RAPGEF6: variants seen among roughly 807,000 people sequenced by gnomAD.
The protein encoded by RAPGEF6 is PDZ domain containing guanine nucleotide exchange factor (GEF) 2.
RAPGEF6 carries 56 observed loss-of-function variants against 171.4 expected under a neutral mutation model. The ratio of observed to expected loss-of-function variants is 0.33; its 90% CI spans 0.26 to 0.41. The LOEUF (loss-of-function observed/expected upper bound fraction) is 0.41. RAPGEF6 is among the 10% of genes least tolerant of loss of function. The probability of loss-of-function intolerance (pLI) is 1.00; values close to 1 mark genes in which losing one functional copy is unlikely to be tolerated. For missense variants in RAPGEF6, 1,674 were observed against 1,921.4 expected (o/e 0.87, Z 2.41); for synonymous variants, 692 against 650.1 (o/e 1.06, Z -0.98).
At chr5:131,625,051 C>G (rs948982588) in intron 1 of RAPGEF6, among the ~76,000 whole-genome samples, 1 of 152,086 alleles carries the variant, frequency 6.6e-6, no homozygotes, top group Non-Finnish European at 1.5e-5. Flanking sequence ...ATCATGAGGT[C>G]AGCAGTTCGA....
intron 7 of RAPGEF6, among the ~76,000 whole-genome samples, chr5:131,511,481 C>CTTTTTTTTTTTTTTTTTTTTTTTTTTTTT (rs55782171): frequency 7.3e-6 from 1 of 137,328 alleles, no homozygotes; most frequent in Non-Finnish European, 1.5e-5. Flanking sequence ...AAAAGATCAT[C>CTTTTTTTTTTTTTTTTTTTTTTTTTTTTT]TTTTTTTTTT....
Position 131,510,496 on chromosome 5 carries a change from G to T in RAPGEF6, c.628-5C>A. ...TCCTACCTCACTCTCCGTAGCCTAT[G>T]AAAAGAAATCTTGATCACTTACCAT... On this transcript the variant is annotated splice_region_variant and splice_polypyrimidine_tract_variant and intron_variant, in intron 7 of 27. Coordinates refer to ENST00000509018, the MANE Select transcript of RAPGEF6 (RefSeq NM_016340.6). 2 of 1,607,734 alleles carry T rather than the reference G, an allele frequency of 1.2e-6. No homozygotes were observed. The highest frequency in any genetic ancestry group is 8.5e-7 in the Non-Finnish European group (1 of 1,177,880).
At chr5:131,522,508 C>T (rs1328609226) in intron 6 of RAPGEF6, among the ~76,000 whole-genome samples, 1 of 152,138 alleles carries the variant, frequency 6.6e-6, no homozygotes, top group African/African-American at 2.4e-5. Flanking sequence ...GAGGGAATGA[C>T]TGAGTCTGAA....
chr5:131,560,814 G>T (rs1304478552), intron 5 of RAPGEF6, among the ~76,000 whole-genome samples: 2 of 152,206 alleles, frequency 1.3e-5, no homozygotes, highest in African/African-American at 4.8e-5. Flanking sequence ...TAAAATTAGG[G>T]ATAGTGAGTT....
chr5:131,498,327 T>A (rs1248148304), intron 12 of RAPGEF6, 116 bp downstream of exon 12: 1 of 938,338 alleles, frequency 1.1e-6, no homozygotes, highest in Non-Finnish European at 1.6e-6. Flanking sequence ...GGTTCATTAA[T>A]TTTTTTAGGT....
intron 6 of RAPGEF6, among the ~76,000 whole-genome samples, chr5:131,534,027 A>T (rs888298625): frequency 1.3e-5 from 2 of 152,138 alleles, no homozygotes; most frequent in Non-Finnish European, 1.5e-5. Flanking sequence ...GTGGCCAAAG[A>T]AAGACAGTTC....
intron 24 of RAPGEF6, 119 bp downstream of exon 24, chr5:131,439,462 C>CCTA: frequency 7.0e-7 from 1 of 1,427,316 alleles, no homozygotes. Flanking sequence ...GTTCAAAAAG[C>CCTA]ATTAGGAGTT....
At chr5:131,438,857 A>G (rs1752197542) in intron 24 of RAPGEF6, among the ~76,000 whole-genome samples, 1 of 152,228 alleles carries the variant, frequency 6.6e-6, no homozygotes, top group Non-Finnish European at 1.5e-5. Context: ...CTCTGTTACT[A>G]AAAAAGGAAA....
At chr5:131,428,769 A>G in intron 27 of RAPGEF6, 133 bp downstream of exon 27, 1 of 1,023,578 alleles carries the variant, frequency 9.8e-7, no homozygotes, top group African/African-American at 1.6e-5. Flanking sequence ...GCCGGCAGGA[A>G]CTTCTTACTT....
intron 23 of RAPGEF6, among the ~76,000 whole-genome samples, chr5:131,440,737 C>CAAAAAAAAAA (rs1168441695): frequency 3.3e-4 from 22 of 66,828 alleles, no homozygotes; most frequent in Non-Finnish European, 5.0e-4. Flanking sequence ...GACTCTGTCT[C>CAAAAAAAAAA]AAAAAAAAAA....
At position 131,429,650 on chromosome 5, in the gene RAPGEF6, T is replaced by C. The variant is rs117174372; in HGVS notation, c.4466-434A>G. On this transcript the variant is annotated intron_variant, in intron 26 of 27. Coordinates refer to ENST00000509018, the MANE Select transcript of RAPGEF6 (RefSeq NM_016340.6). ...CCATCTGTTTAAGGGCTGTTTCACC[T>C]TCTCTCTGAGACATGAACCAATGTT... Among the ~76,000 whole-genome samples, 93 of 152,328 alleles carry C rather than the reference T, an allele frequency of 6.1e-4. No homozygotes were observed. The East Asian group carries it at 0.013, about 21-fold the overall frequency.
rs755681015 is a variant in RAPGEF6 at position 131,548,105 on chromosome 5, T to C, written c.437A>G (p.Asn146Ser). ...AATGGTTTGGCGCTCTCCTTTATAG[T>C]TAATTTTCCGAAATCTTCTTCGGGA... Reference protein sequence around the residue: ...RQSRRRFRKINYKGERQTITD... With the variant: ...RQSRRRFRKISYKGERQTITD... The change falls in exon 6 of 28, where the codon AAC (asparagine) becomes AGC (serine). Residue 146 changes from asparagine (N) to serine (S), a missense_variant. By Grantham distance (46) the Asn-to-Ser change is conservative. Around this residue, in one of 3 missense-constraint regions of RAPGEF6, gnomAD observed 1,116 missense variants for 1,321.5 expected, o/e 0.84. Transcript: ENST00000509018. 13 of 1,613,976 alleles carry C rather than the reference T, an allele frequency of 8.1e-6. No individual in the cohort carries two copies. In the South Asian group the frequency reaches 1.2e-4, roughly 15 times the overall value.
At chr5:131,579,741 C>T (rs1392428470) in intron 4 of RAPGEF6, among the ~76,000 whole-genome samples, 1 of 152,168 alleles carries the variant, frequency 6.6e-6, no homozygotes, top group Non-Finnish European at 1.5e-5. Context: ...CTGACTGGTG[C>T]ATTTACAAAC....
intron 6 of RAPGEF6, among the ~76,000 whole-genome samples, chr5:131,546,573 C>T (rs1212348762): frequency 6.6e-6 from 1 of 150,662 alleles, no homozygotes; most frequent in African/African-American, 2.4e-5. Context: ...CACTGCACTC[C>T]AGCCTGGGCA....
chr5:131,473,798 AG>A (rs1454415784), intron 16 of RAPGEF6, among the ~76,000 whole-genome samples: 4 of 152,242 alleles, frequency 2.6e-5, no homozygotes, highest in Admixed American at 2.0e-4. Flanking sequence ...GATTTTACGT[AG>A]ATTAGAAAAC....
At chr5:131,536,698 C>A (rs556739514) in intron 6 of RAPGEF6, among the ~76,000 whole-genome samples, 9 of 152,198 alleles carry the variant, frequency 5.9e-5, no homozygotes, top group African/African-American at 1.9e-4. Context: ...ATTGAAAGAA[C>A]AATAAAAGGC....
intron 1 of RAPGEF6, among the ~76,000 whole-genome samples, chr5:131,609,875 C>T (rs143120604): frequency 1.2e-4 from 18 of 152,266 alleles, no homozygotes; most frequent in Non-Finnish European, 2.2e-4. Context: ...AATGCCTGAA[C>T]CACAGGACTA....
At chr5:131,448,810 G>A (rs2149819002) in intron 21 of RAPGEF6, among the ~76,000 whole-genome samples, 2 of 152,214 alleles carry the variant, frequency 1.3e-5, no homozygotes, top group East Asian at 3.9e-4. Context: ...CACACCCAAT[G>A]CCCACTAAAA....
chr5:131,571,006 G>A (rs1487542503), intron 4 of RAPGEF6, among the ~76,000 whole-genome samples: 4 of 148,530 alleles, frequency 2.7e-5, no homozygotes, highest in African/African-American at 5.0e-5. Context: ...ATGCAGTGGC[G>A]CAATCTCCAC....
Sources: gnomAD v4.1 joint callset for allele counts (sites outside exome capture counted in the v4.1 genomes callset) on GRCh38, gnomAD v4.1.1 for gene constraint, gnomAD v4.1.1 regional missense constraint, MANE v1.5 for transcripts, NCBI Gene and HGNC (gene_info 2026-07-23, HGNC 2026-07-21) for gene names.